Variants in GALNT9 observed in about 807,000 individuals in gnomAD.
GALNT9 encodes the protein polypeptide N-acetylgalactosaminyltransferase 9.
A neutral mutation model predicts 63.1 loss-of-function variants in GALNT9; 47 were observed. The observed-to-expected ratio is 0.75, with a 90% CI of 0.59 to 0.95. The LOEUF (loss-of-function observed/expected upper bound fraction) is 0.95, where lower values mean the gene tolerates loss of function less well. Among genes scored for constraint, GALNT9 ranks in the 40% least tolerant of loss-of-function variants. GALNT9 has a pLI of 0.00. For missense variants in GALNT9, 829 were observed against 874.8 expected (o/e 0.95, Z 0.66); for synonymous variants, 396 against 365.7 (o/e 1.08, Z -0.94).
rs1878938750 is a variant in GALNT9 at position 132,252,133 on chromosome 12, GCAGC to G, written c.960-4110_960-4107del. On this transcript the variant is annotated intron_variant, in intron 5 of 10. Transcript: ENST00000328957. This position sits in a 1 kb window ranked among gnomAD's most constrained non-coding sequence, Gnocchi z 5.2. ...CTAGAACAGGGTGGAGGCCAACAGG[GCAGC>G]CACCTCCACAGGCCCAGGCAGTGAG... Among the ~76,000 whole-genome samples, 1 of 152,198 alleles carries G rather than the reference GCAGC, an allele frequency of 6.6e-6. No individual in the cohort carries two copies. Among genetic ancestry groups the G allele is most frequent in the African/African-American group, 2.4e-5 (1 of 41,450 alleles).
chr12:132,291,029 C>T (rs1185992741), intron 1 of GALNT9, among the ~76,000 whole-genome samples: 2 of 78,992 alleles, frequency 2.5e-5, no homozygotes, highest in Non-Finnish European at 5.3e-5. Context: ...CCCACATCCA[C>T]AGCGCCCACG....
At chr12:132,217,588 TCATCCATC>T (rs57858233) in intron 6 of GALNT9, among the ~76,000 whole-genome samples, 7 of 141,294 alleles carry the variant, frequency 5.0e-5, no homozygotes, top group East Asian at 2.3e-4. Context: ...CATCCCCCAC[TCATCCATC>T]CATCCATCCA....
intron 7 of GALNT9, 152 bp from the exon 8 acceptor site, chr12:132,201,413 A>AC (rs35906641): frequency 2.7e-4 from 157 of 587,218 alleles, no homozygotes; most frequent in South Asian, 3.8e-4. Context: ...TCCAGTTGGG[A>AC]CCCCCCAGCC....
At chr12:132,320,664 G>C (rs1260921488) in intron 1 of GALNT9, among the ~76,000 whole-genome samples, 1 of 152,272 alleles carries the variant, frequency 6.6e-6, no homozygotes, top group Non-Finnish European at 1.5e-5. Flanking sequence ...GAGGTGGAGG[G>C]AAGCTCCCTC....
intron 6 of GALNT9, 165 bp downstream of exon 6, chr12:132,247,745 A>C (rs28408399): frequency 9.4e-7 from 1 of 1,066,014 alleles, no homozygotes; most frequent in Non-Finnish European, 1.3e-6. Flanking sequence ...CCCCGTCCCC[A>C]GATGCCGTGG....
At chr12:132,295,918 AG>A in intron 1 of GALNT9, among the ~76,000 whole-genome samples, 1 of 75,858 alleles carries the variant, frequency 1.3e-5, no homozygotes, top group Non-Finnish European at 2.7e-5. Flanking sequence ...GCCTCCGAAC[AG>A]GGACGGCCTC....
chr12:132,217,455 C>T (rs1279255944), intron 6 of GALNT9, among the ~76,000 whole-genome samples: 1 of 150,516 alleles, frequency 6.6e-6, no homozygotes, highest in Non-Finnish European at 1.5e-5. Flanking sequence ...TCCATCCATC[C>T]CTGCATCCAG....
At position 132,236,714 on chromosome 12, in the gene GALNT9, C is replaced by G. The variant is rs140279027; in HGVS notation, c.1077+11196G>C. Among the ~76,000 whole-genome samples the G allele has an allele frequency of 6.9e-4, 105 of 152,350 alleles. No homozygotes were observed. Among genetic ancestry groups the G allele is most frequent in the African/African-American group, 2.3e-3 (97 of 41,572 alleles). On this transcript the variant is annotated intron_variant, in intron 6 of 10. Coordinates refer to ENST00000328957, the MANE Select transcript of GALNT9 (RefSeq NM_001122636.2). This position sits in a 1 kb window ranked among gnomAD's most constrained non-coding sequence, Gnocchi z 5.6. ...AGGTGTAAGGTTTCGGGGCATCAAG[C>G]CTGGCCTCGGCCAGCCACGCCTCCT...
chr12:132,255,698 G>A (rs572910407), intron 5 of GALNT9, among the ~76,000 whole-genome samples: 1 of 152,316 alleles, frequency 6.6e-6, no homozygotes, highest in African/African-American at 2.4e-5. Context: ...CGGTCCTCCC[G>A]CCTTTTGGAC....
At chr12:132,269,751 C>T (rs951880869) in intron 2 of GALNT9, among the ~76,000 whole-genome samples, 3 of 152,340 alleles carry the variant, frequency 2.0e-5, no homozygotes, top group East Asian at 1.9e-4. Context: ...GGCCGGATCC[C>T]GGTGGGGTGG....
intron 2 of GALNT9, among the ~76,000 whole-genome samples, chr12:132,285,481 C>T (rs961776089): frequency 5.3e-5 from 8 of 152,270 alleles, no homozygotes. Flanking sequence ...CGACCAAGCT[C>T]CATCCTGAGT....
At chr12:132,283,263 A>G (rs1342024786) in intron 2 of GALNT9, 1 of 152,272 alleles carries the variant, frequency 6.6e-6, no homozygotes, top group Admixed American at 6.5e-5. Context: ...TTACAGCAAG[A>G]GCTAGGAGAT....
intron 1 of GALNT9, among the ~76,000 whole-genome samples, chr12:132,300,557 A>G (rs1555243756): frequency 8.4e-6 from 1 of 119,120 alleles, no homozygotes; most frequent in Non-Finnish European, 1.7e-5. Flanking sequence ...TAACTCACCC[A>G]CTCCCACCAC....
At chr12:132,284,561 G>T (rs1376992662) in intron 2 of GALNT9, 1 of 152,234 alleles carries the variant, frequency 6.6e-6, no homozygotes, top group African/African-American at 2.4e-5. Context: ...TTAAATCATG[G>T]TAACCATGAA....
chr12:132,278,504 C>A (rs1335550115), intron 2 of GALNT9: 1 of 152,220 alleles, frequency 6.6e-6, no homozygotes, highest in Non-Finnish European at 1.5e-5. Flanking sequence ...GACCCGGACC[C>A]CACTGTCCCC....
intron 2 of GALNT9, among the ~76,000 whole-genome samples, chr12:132,272,278 C>T (rs908198184): frequency 6.6e-6 from 1 of 152,204 alleles, no homozygotes; most frequent in Non-Finnish European, 1.5e-5. Flanking sequence ...ACAGAGTGGG[C>T]AATGGTGCGG....
At chr12:132,312,826 C>T (rs1030998659) in intron 1 of GALNT9, among the ~76,000 whole-genome samples, 2 of 152,270 alleles carry the variant, frequency 1.3e-5, no homozygotes, top group East Asian at 3.9e-4. Flanking sequence ...CGTCTCTGCC[C>T]CCAGGGTGGA....
chr12:132,291,395 C>CCACGTCCACAGCGCA (rs1427083191), intron 1 of GALNT9, among the ~76,000 whole-genome samples: 2 of 121,334 alleles, frequency 1.6e-5, no homozygotes, highest in Non-Finnish European at 3.4e-5. Context: ...TCCACAGCAC[C>CCACGTCCACAGCGCA]CACGTCCACA....
At chr12:132,247,125 C>T (rs797042060) in intron 6 of GALNT9, among the ~76,000 whole-genome samples, 9 of 151,484 alleles carry the variant, frequency 5.9e-5, no homozygotes, top group African/African-American at 2.0e-4. Flanking sequence ...AGCAGAAGCC[C>T]GGCCGAGCTC....
Sources: gnomAD v4.1 joint callset for allele counts (sites outside exome capture counted in the v4.1 genomes callset) on GRCh38, gnomAD v4.1.1 for gene constraint, Gnocchi (gnomAD v3.1) non-coding constraint, MANE v1.5 for transcripts, NCBI Gene and HGNC (gene_info 2026-07-23, HGNC 2026-07-21) for gene names.